CNTN3: variants seen among roughly 807,000 people sequenced by gnomAD.
The protein encoded by CNTN3 is contactin-3.
Under a neutral mutation model 119.1 loss-of-function variants are expected in CNTN3, and 60 were observed. The ratio of observed to expected loss-of-function variants is 0.50; its 90% CI spans 0.41 to 0.62. The LOEUF (loss-of-function observed/expected upper bound fraction) is 0.62, where lower values mean the gene tolerates loss of function less well. CNTN3 is among the 20% of genes least tolerant of loss of function. The pLI is 0.00. For missense variants in CNTN3, 1,101 were observed against 1,242.4 expected (o/e 0.89, Z 1.71); for synonymous variants, 450 against 438.7 (o/e 1.03, Z -0.32).
chr3:74,279,131 T>A (rs1384067110), intron 20 of CNTN3, among the ~76,000 whole-genome samples: 1 of 151,970 alleles, frequency 6.6e-6, no homozygotes, highest in Non-Finnish European at 1.5e-5. Flanking sequence ...GTGGATGCGG[T>A]GATCAGGGAA....
At chr3:74,610,209 A>G (rs112711596) in intron 1 of CNTN3, among the ~76,000 whole-genome samples, 2 of 152,054 alleles carry the variant, frequency 1.3e-5, no homozygotes, top group Non-Finnish European at 2.9e-5. Flanking sequence ...CTATAGTCCC[A>G]GCTACTCAGG....
At chr3:74,370,449 A>T (rs1338548258) in intron 6 of CNTN3, among the ~76,000 whole-genome samples, 3 of 152,086 alleles carry the variant, frequency 2.0e-5, no homozygotes, top group African/African-American at 7.2e-5. Flanking sequence ...TGCTTCCTGA[A>T]ATTTCCCTAA....
At position 74,365,562 on chromosome 3, in the gene CNTN3, TTACCTC is replaced by T; in HGVS notation, c.1081_1083+3del. On this transcript the variant is annotated splice_donor_variant and splice_donor_region_variant and coding_sequence_variant and intron_variant, in exon 9 of 23. Transcript: ENST00000263665. LOFTEE classifies it high-confidence loss of function. ...AAACCCATTTTAGGTCCATGTTACC[TTACCTC>T]TAGCACCAGGGCTGCTCCATTTTTC... 6.2e-7 allele frequency: 1 copy of T among 1,613,234 alleles called. No homozygotes were observed. Among genetic ancestry groups the T allele is most frequent in the Non-Finnish European group, 8.5e-7 (1 of 1,179,400 alleles).
In CNTN3 at chr3:74,298,182, C is replaced by A; in HGVS notation, c.2176G>T (p.Glu726Ter). The A allele has an allele frequency of 6.3e-7, 1 of 1,580,968 alleles. No homozygotes were observed. Among genetic ancestry groups the A allele is most frequent in the South Asian group, 1.2e-5 (1 of 85,734 alleles). Residue 726 changes from glutamate to a stop codon, truncating the protein, a stop_gained, in exon 18 of 23, where the codon GAA becomes TAA. Transcript: ENST00000263665. LOFTEE classifies it high-confidence loss of function. ...AAACCTTCACCATTCTGTAGTTCTT[C>A]AGGGACTGGCTATAAAGGAAAGACA... ...ELVITWDPVP[E>*]ELQNGEGFGY...
chr3:74,323,224 G>GGT (rs145820897), intron 13 of CNTN3, among the ~76,000 whole-genome samples: 1 of 152,056 alleles, frequency 6.6e-6, no homozygotes, highest in Non-Finnish European at 1.5e-5. Context: ...AGTTGAGGAG[G>GGT]GTGTGTGTGT....
chr3:74,395,408 T>C (rs1352068273), intron 5 of CNTN3, among the ~76,000 whole-genome samples: 1 of 152,056 alleles, frequency 6.6e-6, no homozygotes, highest in Non-Finnish European at 1.5e-5. Context: ...ACTGGAAATA[T>C]GCTGAGATTA....
intron 16 of CNTN3, 45 bp from the exon 17 acceptor site, chr3:74,299,983 G>A (rs764856408): frequency 7.4e-6 from 9 of 1,219,996 alleles, no homozygotes; most frequent in Non-Finnish European, 1.0e-5. Flanking sequence ...CTTGCATTTA[G>A]TAATATTTAT....
intron 20 of CNTN3, among the ~76,000 whole-genome samples, chr3:74,270,362 GA>G (rs1169837390): frequency 1.3e-5 from 2 of 152,312 alleles, no homozygotes; most frequent in African/African-American, 4.8e-5. Flanking sequence ...TCTTTGCCAT[GA>G]GATTGCCAAG....
intron 13 of CNTN3, among the ~76,000 whole-genome samples, chr3:74,304,708 A>AT (rs1266638534): frequency 1.3e-5 from 2 of 152,222 alleles, no homozygotes; most frequent in Non-Finnish European, 2.9e-5. Context: ...TAGCTGCATC[A>AT]TAAAAAATGA....
At chr3:74,589,872 C>A (rs1326931157) in intron 1 of CNTN3, among the ~76,000 whole-genome samples, 1 of 149,464 alleles carries the variant, frequency 6.7e-6, no homozygotes, top group Non-Finnish European at 1.5e-5. Context: ...AAACCAAACA[C>A]CACATGTTCT....
At chr3:74,430,583 T>G (rs1312360801) in intron 4 of CNTN3, among the ~76,000 whole-genome samples, 1 of 151,738 alleles carries the variant, frequency 6.6e-6, no homozygotes, top group Admixed American at 6.6e-5. Context: ...TCTTAAAAAA[T>G]TAAAATAAAA....
chr3:74,326,234 G>T (rs1196119192), intron 13 of CNTN3, among the ~76,000 whole-genome samples: 1 of 151,962 alleles, frequency 6.6e-6, no homozygotes, highest in African/African-American at 2.4e-5. Flanking sequence ...TTATTAACAT[G>T]AATTTATCTA....
chr3:74,423,382 C>A (rs534692862), intron 5 of CNTN3, among the ~76,000 whole-genome samples: 1 of 152,132 alleles, frequency 6.6e-6, no homozygotes. Context: ...CCTTCATATC[C>A]GAGCCTTGCT....
intron 1 of CNTN3, among the ~76,000 whole-genome samples, chr3:74,585,106 T>C (rs572237533): frequency 2.0e-5 from 3 of 152,274 alleles, no homozygotes; most frequent in Non-Finnish European, 4.4e-5. Flanking sequence ...TGAAAGAAGG[T>C]AAGTAGAAAG....
At chr3:74,458,101 C>T (rs1415619479) in intron 4 of CNTN3, among the ~76,000 whole-genome samples, 1 of 152,018 alleles carries the variant, frequency 6.6e-6, no homozygotes, top group African/African-American at 2.4e-5. Flanking sequence ...CTCAGTCAAT[C>T]TATCAGCAAA....
chr3:74,338,431 T>C (rs916270145), intron 11 of CNTN3, among the ~76,000 whole-genome samples: 19 of 151,956 alleles, frequency 1.3e-4, no homozygotes, highest in African/African-American at 4.3e-4. Context: ...TATATGTGTA[T>C]ATACACATAT....
chr3:74,383,933 G>A (rs1451194787), intron 5 of CNTN3, among the ~76,000 whole-genome samples: 1 of 152,216 alleles, frequency 6.6e-6, no homozygotes, highest in African/African-American at 2.4e-5. Context: ...AAAAGCAAAT[G>A]TGTCCTAATT....
At chr3:74,379,422 T>C (rs1023442877) in intron 5 of CNTN3, among the ~76,000 whole-genome samples, 1 of 152,126 alleles carries the variant, frequency 6.6e-6, no homozygotes, top group Non-Finnish European at 1.5e-5. Context: ...TCTTCATTTT[T>C]AATGCTTCTT....
chr3:74,376,643 T>A (rs1170431591), intron 5 of CNTN3, among the ~76,000 whole-genome samples: 1 of 152,104 alleles, frequency 6.6e-6, no homozygotes, highest in Non-Finnish European at 1.5e-5. Context: ...AGAAATAAAG[T>A]ACACCATAGA....
Sources: allele counts gnomAD v4.1 joint callset (sites outside exome capture counted in the v4.1 genomes callset), GRCh38; gene constraint gnomAD v4.1.1; transcripts MANE v1.5; gene names NCBI Gene and HGNC (gene_info 2026-07-23, HGNC 2026-07-21).